SETBP1: variants seen among roughly 807,000 people sequenced by gnomAD.
SETBP1 encodes the protein SET binding protein 1, also known as SET-binding protein.
SETBP1 carries 9 observed loss-of-function variants against 101.0 expected under a neutral mutation model. That is an observed-to-expected ratio of 0.09 (90% confidence interval 0.05 to 0.16). The LOEUF is 0.16. Ranked by LOEUF, SETBP1 falls within the 10% of genes least tolerant of loss-of-function variation. The pLI, the probability that SETBP1 is intolerant of heterozygous loss-of-function variation, is 1.00. For synonymous variants in SETBP1, 818 were observed against 788.5 expected, an observed-to-expected ratio of 1.04 and a Z score of -0.63; for missense variants, 1,858 against 2,033.8, an observed-to-expected ratio of 0.91 and a Z score of 1.66.
At chr18:44,979,141 A>G (rs1418740130) in intron 4 of SETBP1, among the ~76,000 whole-genome samples, 1 of 152,208 alleles carries the variant, frequency 6.6e-6, no homozygotes, top group Non-Finnish European at 1.5e-5. Flanking sequence ...GGTGACTGCT[A>G]CCACAACACC....
At chr18:45,053,089 G>A (rs557481497) in intron 5 of SETBP1, among the ~76,000 whole-genome samples, 10 of 151,930 alleles carry the variant, frequency 6.6e-5, no homozygotes, top group Non-Finnish European at 8.8e-5. Context: ...AGTTAATTGA[G>A]CCTCCATTTA....
At chr18:44,854,174 T>G (rs1235372518) in intron 2 of SETBP1, among the ~76,000 whole-genome samples, 1 of 152,100 alleles carries the variant, frequency 6.6e-6, no homozygotes, top group Non-Finnish European at 1.5e-5. Context: ...TCACAAGGCC[T>G]GGCACTTGCA....
intron 2 of SETBP1, among the ~76,000 whole-genome samples, chr18:44,758,989 C>T (rs2070573355): frequency 6.6e-6 from 1 of 152,192 alleles, no homozygotes; most frequent in Non-Finnish European, 1.5e-5. Flanking sequence ...TGGTCTACAC[C>T]CAAACTCTCT....
chr18:44,983,781 A>C (rs2072166829), intron 4 of SETBP1, among the ~76,000 whole-genome samples: 1 of 152,206 alleles, frequency 6.6e-6, no homozygotes, highest in Non-Finnish European at 1.5e-5. Context: ...TTTGGGAAGA[A>C]CCCAGAGACT....
chr18:44,999,762 C>T (rs1434805501), intron 4 of SETBP1, among the ~76,000 whole-genome samples: 1 of 152,152 alleles, frequency 6.6e-6, no homozygotes, highest in African/African-American at 2.4e-5. Context: ...TGTACAGCCC[C>T]CAACAGCACA....
chr18:44,756,306 G>A (rs1307871659), intron 2 of SETBP1, among the ~76,000 whole-genome samples: 1 of 152,072 alleles, frequency 6.6e-6, no homozygotes, highest in African/African-American at 2.4e-5. Context: ...TGTGCCTCGT[G>A]AGTCTCCACA....
intron 3 of SETBP1, among the ~76,000 whole-genome samples, chr18:44,940,134 C>A (rs950130355): frequency 2.0e-5 from 3 of 152,120 alleles, no homozygotes; most frequent in African/African-American, 7.2e-5. Flanking sequence ...CCATAATTAT[C>A]TCTGGGAATG....
chr18:45,067,869 G>A lies in SETBP1; in HGVS notation c.*4171G>A, dbSNP rs1478234419. ...TTGCCCAGGTCTAATAAACACTAAA[G>A]GGGGGAAATTGAAAGGAGCTGCCAA... On this transcript the variant is annotated 3_prime_UTR_variant, in exon 6 of 6. Transcript: ENST00000649279. The A allele has an allele frequency of 6.6e-6, 1 of 152,114 alleles. No homozygotes were observed. Among genetic ancestry groups the A allele is most frequent in the Non-Finnish European group, 1.5e-5 (1 of 68,018 alleles). 9.4% of individuals were successfully genotyped at this position (152,114 alleles called of 1,614,324 possible). A position where few individuals can be genotyped will look rare whatever the true frequency, so the allele number is the denominator to read the frequency against.
At chr18:44,821,225 A>T (rs892412837) in intron 2 of SETBP1, among the ~76,000 whole-genome samples, 3 of 152,222 alleles carry the variant, frequency 2.0e-5, no homozygotes, top group Non-Finnish European at 4.4e-5. Context: ...CCCACCTTCC[A>T]GCAAAGGCAT....
chr18:44,760,966 A>C (rs903112739), intron 2 of SETBP1, among the ~76,000 whole-genome samples: 1 of 152,216 alleles, frequency 6.6e-6, no homozygotes, highest in South Asian at 2.1e-4. Flanking sequence ...TCTGTTGCCC[A>C]TAATGTCTTT....
chr18:44,929,203 A>AT (rs1429547580), intron 3 of SETBP1, among the ~76,000 whole-genome samples: 2 of 152,088 alleles, frequency 1.3e-5, no homozygotes, highest in Non-Finnish European at 2.9e-5. Flanking sequence ...TCCTTTCCCC[A>AT]TTTCTTGTTT....
At chr18:44,785,774 G>A (rs1194043714) in intron 2 of SETBP1, among the ~76,000 whole-genome samples, 3 of 152,306 alleles carry the variant, frequency 2.0e-5, no homozygotes, top group Middle Eastern at 6.8e-3. Flanking sequence ...TAGGGCCAAG[G>A]ATGATTTTGT....
intron 4 of SETBP1, among the ~76,000 whole-genome samples, chr18:44,958,394 A>G (rs1033564941): frequency 9.9e-5 from 15 of 152,194 alleles, no homozygotes; most frequent in African/African-American, 3.6e-4. Context: ...CTTGAGTCCC[A>G]CTGGCTGAAA....
chr18:44,950,562 G>C lies in SETBP1; in HGVS notation c.1222G>C (p.Ala408Pro). 6.2e-7 allele frequency: 1 copy of C among 1,613,986 alleles called. No individual in the cohort carries two copies. The highest frequency in any genetic ancestry group is 8.5e-7 in the Non-Finnish European group (1 of 1,180,002). The change falls in exon 4 of 6, where the codon GCA becomes CCA. Residue 408 changes from alanine to proline, a missense_variant. Ala to Pro is a conservative substitution (Grantham distance 27, BLOSUM62 -1). Around this residue, in one of 12 missense-constraint regions of SETBP1, gnomAD observed 581 missense variants for 535.1 expected, o/e 1.09. Transcript: ENST00000649279. ...SHVRITIPIK[A>P]PSLDPTNHKR... ...TGTCCGGATTACTATCCCCATCAAG[G>C]CACCCTCTCTGGATCCAACCAACCA...
At chr18:45,018,965 A>T (rs2073004369) in intron 4 of SETBP1, among the ~76,000 whole-genome samples, 1 of 152,196 alleles carries the variant, frequency 6.6e-6, no homozygotes, top group Non-Finnish European at 1.5e-5. Flanking sequence ...TCCAGAGGTG[A>T]GAAGGAGAGT....
At chr18:44,689,925 G>A (rs1219313996) in intron 1 of SETBP1, among the ~76,000 whole-genome samples, 1 of 152,180 alleles carries the variant, frequency 6.6e-6, no homozygotes, top group African/African-American at 2.4e-5. Flanking sequence ...AGCTTTCCAA[G>A]TGCAGGGAGA....
At chr18:45,052,214 T>G (rs1358322151) in intron 5 of SETBP1, among the ~76,000 whole-genome samples, 3 of 152,148 alleles carry the variant, frequency 2.0e-5, no homozygotes, top group African/African-American at 7.2e-5. Flanking sequence ...TCATATAGAT[T>G]AATCCCATAA....
At chr18:45,038,363 G>T in intron 4 of SETBP1, 122 bp from the exon 5 acceptor site, 3 of 923,584 alleles carry the variant, frequency 3.2e-6, no homozygotes, top group Admixed American at 3.8e-5. Flanking sequence ...TTTCATTCTT[G>T]TTGTACCAGA....
chr18:45,035,005 GCC>G (rs1165933837), intron 4 of SETBP1, among the ~76,000 whole-genome samples: 3 of 144,672 alleles, frequency 2.1e-5, no homozygotes, highest in African/African-American at 8.0e-5. Context: ...TGCCCCCCCC[GCC>G]CCCAACTTTG....
Sources: gnomAD v4.1 joint callset for allele counts (sites outside exome capture counted in the v4.1 genomes callset) on GRCh38, gnomAD v4.1.1 for gene constraint, gnomAD v4.1.1 regional missense constraint, MANE v1.5 for transcripts, NCBI Gene and HGNC (gene_info 2026-07-23, HGNC 2026-07-21) for gene names.